ENAH: variants seen among roughly 807,000 people sequenced by gnomAD.
ENAH encodes protein enabled homolog.
In ENAH, 23 loss-of-function variants were observed where a neutral mutation model predicts 78.7. The observed-to-expected ratio is 0.29, with a 90% CI of 0.21 to 0.41. ENAH has a LOEUF of 0.41. Ranked by LOEUF, ENAH falls within the 10% of genes least tolerant of loss-of-function variation. The pLI, the probability that ENAH is intolerant of heterozygous loss-of-function variation, is 1.00. For missense variants in ENAH, 544 were observed against 691.0 expected, an observed-to-expected ratio of 0.79 and a Z score of 2.39; for synonymous variants, 226 against 241.0, an observed-to-expected ratio of 0.94 and a Z score of 0.58.
At chr1:225,599,339 T>C (rs115590430) in intron 1 of ENAH, among the ~76,000 whole-genome samples, 1,536 of 152,288 alleles carry the variant, frequency 0.01, 25 homozygotes, top group Middle Eastern at 0.024. Flanking sequence ...GAAATATCAT[T>C]GGGAAATCTA....
At chr1:225,562,181 A>G (rs887951476) in intron 2 of ENAH, among the ~76,000 whole-genome samples, 1 of 151,768 alleles carries the variant, frequency 6.6e-6, no homozygotes, top group Non-Finnish European at 1.5e-5. Context: ...TCGGCCTCCC[A>G]AAGTACTGAG....
At chr1:225,603,338 T>C (rs867884564) in intron 1 of ENAH, among the ~76,000 whole-genome samples, 2 of 152,164 alleles carry the variant, frequency 1.3e-5, no homozygotes, top group Non-Finnish European at 1.5e-5. Context: ...TTGAGATACA[T>C]ACTTTAAAGC....
At chr1:225,548,993 G>A (rs1189272276) in intron 3 of ENAH, among the ~76,000 whole-genome samples, 7 of 151,980 alleles carry the variant, frequency 4.6e-5, no homozygotes, top group Non-Finnish European at 1.0e-4. Context: ...GGGACTACAG[G>A]TGCCCGCCAC....
intron 1 of ENAH, among the ~76,000 whole-genome samples, chr1:225,577,083 C>A (rs536967002): frequency 6.6e-6 from 1 of 152,278 alleles, no homozygotes; most frequent in East Asian, 1.9e-4. Context: ...TGCCACTGCA[C>A]TCCAACCTGG....
intron 1 of ENAH, among the ~76,000 whole-genome samples, chr1:225,619,242 G>A (rs1018809150): frequency 3.9e-5 from 6 of 151,944 alleles, no homozygotes; most frequent in East Asian, 3.9e-4. Context: ...CTAACCTACA[G>A]TTAGCAAAAC....
intron 3 of ENAH, among the ~76,000 whole-genome samples, chr1:225,539,112 C>CT (rs2096576696): frequency 6.6e-6 from 1 of 152,200 alleles, no homozygotes; most frequent in African/African-American, 2.4e-5. Context: ...AATCAGAGCT[C>CT]TTATCTGTTC....
chr1:225,615,732 G>A (rs866187058), intron 1 of ENAH, among the ~76,000 whole-genome samples: 109 of 149,244 alleles, frequency 7.3e-4, no homozygotes, highest in African/African-American at 2.7e-3. Context: ...CTGCCCGACC[G>A]CCACCCCGTC....
intron 1 of ENAH, among the ~76,000 whole-genome samples, chr1:225,622,250 T>C (rs567379291): frequency 6.6e-6 from 1 of 152,264 alleles, no homozygotes; most frequent in African/African-American, 2.4e-5. Flanking sequence ...ATGTTTGCTA[T>C]CTTGATTGTA....
chr1:225,548,194 A>G (rs1481688119), intron 3 of ENAH, among the ~76,000 whole-genome samples: 1 of 144,718 alleles, frequency 6.9e-6, no homozygotes. Flanking sequence ...GTTAATCCAT[A>G]TAGAATTTTC....
intron 1 of ENAH, among the ~76,000 whole-genome samples, chr1:225,645,353 G>A (rs146709868): frequency 6.6e-6 from 1 of 152,266 alleles, no homozygotes; most frequent in African/African-American, 2.4e-5. Context: ...CTACGCTGTG[G>A]CATGTATCAG....
chr1:225,570,632 TG>T (rs1181697191), intron 1 of ENAH, among the ~76,000 whole-genome samples: 2 of 152,156 alleles, frequency 1.3e-5, no homozygotes, highest in African/African-American at 2.4e-5. Context: ...GATTTTTTAA[TG>T]TTTTTTTAAA....
At chr1:225,537,186 A>C (rs1349470154) in intron 3 of ENAH, among the ~76,000 whole-genome samples, 2 of 152,146 alleles carry the variant, frequency 1.3e-5, no homozygotes, top group Non-Finnish European at 2.9e-5. Context: ...CTGAGAAATT[A>C]TCTCTTCTTT....
intron 2 of ENAH, among the ~76,000 whole-genome samples, chr1:225,558,177 T>A (rs1334457250): frequency 6.6e-6 from 1 of 152,210 alleles, no homozygotes; most frequent in African/African-American, 2.4e-5. Context: ...TTCCTCTCTA[T>A]TGTATTCATA....
intron 1 of ENAH, among the ~76,000 whole-genome samples, chr1:225,599,077 T>C (rs918181009): frequency 3.3e-5 from 5 of 152,154 alleles, no homozygotes; most frequent in Non-Finnish European, 7.4e-5. Flanking sequence ...AACACATCAC[T>C]AGGTAATACA....
At chr1:225,564,454 A>AT (rs71170093) in intron 2 of ENAH, among the ~76,000 whole-genome samples, 37,306 of 122,322 alleles carry the variant, frequency 0.3, 5,644 homozygotes, top group Middle Eastern at 0.5. Context: ...ATGCCCGACT[A>AT]TTTTTTTTTT....
At chr1:225,545,328 C>T (rs2096608080) in intron 3 of ENAH, among the ~76,000 whole-genome samples, 1 of 152,080 alleles carries the variant, frequency 6.6e-6, no homozygotes, top group Non-Finnish European at 1.5e-5. Context: ...GCTGTCCCTC[C>T]TAAGTTATGG....
chr1:225,646,724 G>A (rs1262437122), intron 1 of ENAH, among the ~76,000 whole-genome samples: 1 of 151,936 alleles, frequency 6.6e-6, no homozygotes, highest in Non-Finnish European at 1.5e-5. Flanking sequence ...GGGAGGCAGA[G>A]CTTGCAGTAA....
Position 225,486,942 on chromosome 1 carries a change from G to C in ENAH, c.*10833C>G, listed in dbSNP as rs1057220941. 2 of 152,664 alleles carry C rather than the reference G, an allele frequency of 1.3e-5. No homozygotes were observed. Among genetic ancestry groups the C allele is most frequent in the Non-Finnish European group, 2.9e-5 (2 of 68,050 alleles). 9.5% of individuals were successfully genotyped at this position (152,664 alleles called of 1,614,324 possible). On this transcript the variant is annotated 3_prime_UTR_variant, in exon 14 of 14. Transcript: ENST00000366843. ...CAAAGTAGGAAAGAAAGCTGAGGGA[G>C]AGATTGATCCGATTTCAACGATGTG...
At chr1:225,512,314 G>A (rs192040591) in intron 9 of ENAH, among the ~76,000 whole-genome samples, 205 of 152,304 alleles carry the variant, frequency 1.3e-3, no homozygotes, top group African/African-American at 4.5e-3. Context: ...GAATTTAGGC[G>A]AATTCCTTCC....
Sources: allele counts gnomAD v4.1 joint callset (sites outside exome capture counted in the v4.1 genomes callset), GRCh38; gene constraint gnomAD v4.1.1; transcripts MANE v1.5; gene names NCBI Gene and HGNC (gene_info 2026-07-23, HGNC 2026-07-21).